Variants in IQCK observed in about 807,000 individuals in gnomAD.
IQCK encodes IQ domain-containing protein K.
IQCK carries 29 observed loss-of-function variants against 28.1 expected under a neutral mutation model. The ratio of observed to expected loss-of-function variants is 1.03; its 90% CI spans 0.77 to 1.41. IQCK has a LOEUF of 1.41. IQCK is among the 40% of genes most tolerant of loss of function. IQCK has a pLI of 0.00. For missense variants in IQCK, 359 were observed against 314.7 expected, an observed-to-expected ratio of 1.14 and a Z score of -1.07; for synonymous variants, 113 against 115.1, an observed-to-expected ratio of 0.98 and a Z score of 0.12.
chr16:19,819,951 T>C (rs2056045534), intron 7 of IQCK, among the ~76,000 whole-genome samples: 2 of 151,696 alleles, frequency 1.3e-5, no homozygotes, highest in Admixed American at 6.6e-5. Context: ...CTGTGGTCAA[T>C]TGATTTTTGA....
chr16:19,775,045 G>A (rs1278792901), intron 6 of IQCK, among the ~76,000 whole-genome samples: 1 of 151,992 alleles, frequency 6.6e-6, no homozygotes, highest in African/African-American at 2.4e-5. Context: ...GGCCAACATG[G>A]TGAAATCCCA....
intron 3 of IQCK, among the ~76,000 whole-genome samples, chr16:19,734,396 G>T (rs1011434358): frequency 6.8e-6 from 1 of 147,162 alleles, no homozygotes; most frequent in South Asian, 2.1e-4. Flanking sequence ...GGAGGCGGAG[G>T]TTGCAGTGAG....
chr16:19,783,915 G>A (rs773992121), intron 6 of IQCK, among the ~76,000 whole-genome samples: 5 of 152,176 alleles, frequency 3.3e-5, no homozygotes, highest in Admixed American at 6.5e-5. Flanking sequence ...GGGCTCACCC[G>A]TTGTGTTCTG....
At chr16:19,852,823 C>T (rs1166631961) in intron 9 of IQCK, among the ~76,000 whole-genome samples, 1 of 151,974 alleles carries the variant, frequency 6.6e-6, no homozygotes, top group Non-Finnish European at 1.5e-5. Context: ...GGGGTTTCAC[C>T]GTGTTAGCCA....
intron 9 of IQCK, among the ~76,000 whole-genome samples, chr16:19,850,209 A>G (rs1157920757): frequency 6.6e-6 from 1 of 152,078 alleles, no homozygotes; most frequent in Non-Finnish European, 1.5e-5. Context: ...CTTTAATCAC[A>G]GACATTTTTG....
chr16:19,774,869 CA>C, intron 6 of IQCK, among the ~76,000 whole-genome samples: 1 of 152,062 alleles, frequency 6.6e-6, no homozygotes, highest in Admixed American at 6.5e-5. Flanking sequence ...TATGCTAATT[CA>C]ATGATATGCT....
intron 9 of IQCK, among the ~76,000 whole-genome samples, chr16:19,836,298 C>T (rs2056296202): frequency 6.6e-6 from 1 of 152,182 alleles, no homozygotes; most frequent in South Asian, 2.1e-4. Flanking sequence ...TGCCTTGGCA[C>T]TGCCTTCACC....
At chr16:19,799,568 G>T in intron 7 of IQCK, among the ~76,000 whole-genome samples, 1 of 109,478 alleles carries the variant, frequency 9.1e-6, no homozygotes. Flanking sequence ...ACCACACCTG[G>T]CCTATATTTT....
downstream of IQCK, among the ~76,000 whole-genome samples, chr16:19,829,368 G>A (rs1011238594): frequency 4.1e-5 from 6 of 147,450 alleles, no homozygotes; most frequent in South Asian, 2.1e-4. Flanking sequence ...ACAGAGTCTC[G>A]CTCTGTCACC....
At chr16:19,769,063 C>CTG (rs2055282227) in intron 6 of IQCK, among the ~76,000 whole-genome samples, 2 of 152,104 alleles carry the variant, frequency 1.3e-5, no homozygotes, top group Admixed American at 1.3e-4. Flanking sequence ...TGTTTGGAGG[C>CTG]CTTAAGTTTT....
intron 9 of IQCK, among the ~76,000 whole-genome samples, chr16:19,845,423 G>T (rs534035809): frequency 6.6e-6 from 1 of 152,242 alleles, no homozygotes; most frequent in Non-Finnish European, 1.5e-5. Flanking sequence ...CGGCAGCTGA[G>T]AATGCAGTGA....
intron 7 of IQCK, among the ~76,000 whole-genome samples, chr16:19,798,421 A>AT (rs2055716302): frequency 1.5e-4 from 17 of 115,508 alleles, no homozygotes; most frequent in Admixed American, 2.3e-4. Flanking sequence ...CATCACAAAA[A>AT]ATATATATAT....
intron 6 of IQCK, 87 bp downstream of exon 6, chr16:19,764,199 G>A (rs2055194817): frequency 9.0e-7 from 1 of 1,107,330 alleles, no homozygotes; most frequent in Non-Finnish European, 1.3e-6. Context: ...AGAACAAACT[G>A]ATGTGATCCA....
intron 7 of IQCK, among the ~76,000 whole-genome samples, chr16:19,812,122 G>A (rs551583468): frequency 1.8e-4 from 27 of 152,028 alleles, no homozygotes; most frequent in African/African-American, 6.3e-4. Context: ...CCAGTGGCTG[G>A]GATTACAGGC....
At chr16:19,748,695 A>G (rs2054946396) in intron 4 of IQCK, among the ~76,000 whole-genome samples, 2 of 152,194 alleles carry the variant, frequency 1.3e-5, no homozygotes, top group Non-Finnish European at 2.9e-5. Flanking sequence ...CTCTTACTGC[A>G]TTCTGGACAT....
chr16:19,719,724 G>T (rs73541444), intron 1 of IQCK, among the ~76,000 whole-genome samples: 2,588 of 145,948 alleles, frequency 0.018, 63 homozygotes, highest in African/African-American at 0.062. Context: ...GCCCAGGCTG[G>T]AATGCAGTGG....
chr16:19,816,405 C>T (rs2055989602), intron 7 of IQCK, among the ~76,000 whole-genome samples: 1 of 152,152 alleles, frequency 6.6e-6, no homozygotes, highest in African/African-American at 2.4e-5. Flanking sequence ...CCTCAGCCTA[C>T]CAAGTAGCTG....
At chr16:19,831,164 T>C (rs1233790687), downstream of IQCK, among the ~76,000 whole-genome samples, 2 of 152,222 alleles carry the variant, frequency 1.3e-5, no homozygotes, top group Non-Finnish European at 2.9e-5. Context: ...CTGTCCAGTG[T>C]TCTAACATAT....
At chr16:19,760,656 C>T (rs1053870440) in intron 4 of IQCK, among the ~76,000 whole-genome samples, 2 of 152,064 alleles carry the variant, frequency 1.3e-5, no homozygotes, top group African/African-American at 4.8e-5. Flanking sequence ...GCTGGTCTCT[C>T]GTTAGCTGGA....
Sources: gnomAD v4.1 joint callset for allele counts (sites outside exome capture counted in the v4.1 genomes callset) on GRCh38, gnomAD v4.1.1 for gene constraint, MANE v1.5 for transcripts, NCBI Gene and HGNC (gene_info 2026-07-23, HGNC 2026-07-21) for gene names.